The following ATP6V1H variants were observed in gnomAD, a reference collection of about 807,000 sequenced individuals.
ATP6V1H encodes ATPase H+ transporting V1 subunit H.
Under a neutral mutation model 71.7 loss-of-function variants are expected in ATP6V1H, and 39 were observed. That is an observed-to-expected ratio of 0.54 (90% confidence interval 0.42 to 0.71). ATP6V1H has a LOEUF of 0.71. Among genes scored for constraint, ATP6V1H ranks in the 30% least tolerant of loss-of-function variants. ATP6V1H has a pLI of 0.00. For missense variants in ATP6V1H, 509 were observed against 594.9 expected (o/e 0.86, Z 1.50); for synonymous variants, 192 against 199.3 (o/e 0.96, Z 0.31).
At chr8:53,750,630 ATGT>A (rs1807758133) in intron 12 of ATP6V1H, among the ~76,000 whole-genome samples, 1 of 152,194 alleles carries the variant, frequency 6.6e-6, no homozygotes, top group Admixed American at 6.5e-5. Context: ...TTGTTATAAA[ATGT>A]TGTCAACCGA....
chr8:53,799,063 T>C (rs1809831608), intron 8 of ATP6V1H, among the ~76,000 whole-genome samples: 1 of 152,288 alleles, frequency 6.6e-6, no homozygotes, highest in East Asian at 1.9e-4. Context: ...ACTTTGATTC[T>C]TTCTTACAGG....
In ATP6V1H at chr8:53,732,935, G is replaced by A. The variant is rs531548587; in HGVS notation, c.1391+10642C>T. Among the ~76,000 whole-genome samples, 10 of 152,258 alleles carry A rather than the reference G, an allele frequency of 6.6e-5. No homozygotes were observed. The East Asian group carries it at 1.7e-3, about 27-fold the overall frequency. Reference sequence around the variant, plus strand: ...CAGGGAAGGAAGTCAAGATAGTCAAGCAGGCAGTCTCAAATCTGGCCGTGC... The same window carrying A: ...CAGGGAAGGAAGTCAAGATAGTCAAACAGGCAGTCTCAAATCTGGCCGTGC... On this transcript the variant is annotated intron_variant, in intron 13 of 13. Coordinates refer to ENST00000359530, the MANE Select transcript of ATP6V1H (RefSeq NM_015941.4).
intron 12 of ATP6V1H, among the ~76,000 whole-genome samples, chr8:53,748,689 T>C (rs1020745461): frequency 6.6e-6 from 1 of 152,190 alleles, no homozygotes; most frequent in African/African-American, 2.4e-5. Flanking sequence ...AAATACATAC[T>C]ATATATGCAT....
chr8:53,759,147 T>TA (rs988139444), intron 11 of ATP6V1H, among the ~76,000 whole-genome samples: 1 of 152,228 alleles, frequency 6.6e-6, no homozygotes, highest in African/African-American at 2.4e-5. Flanking sequence ...AGCACAGCCT[T>TA]AGAGTCAGAT....
rs1808561571 is a variant in ATP6V1H at position 53,768,993 on chromosome 8, C to T, written c.1175+625G>A. Among the ~76,000 whole-genome samples, 3 of 152,018 alleles carry T rather than the reference C, an allele frequency of 2.0e-5. No homozygotes were observed. The South Asian group carries it at 6.2e-4, about 32-fold the overall frequency. On this transcript the variant is annotated intron_variant, in intron 11 of 13. Coordinates refer to ENST00000359530, the MANE Select transcript of ATP6V1H (RefSeq NM_015941.4). ...GTCATCTTATTATGACAAAGGTAAA[C>T]CTGGAGGGCACTGGTGGAAGTGTTT...
At chr8:53,779,690 CCTTTT>C (rs1359856635) in intron 9 of ATP6V1H, among the ~76,000 whole-genome samples, 1 of 151,972 alleles carries the variant, frequency 6.6e-6, no homozygotes, top group Non-Finnish European at 1.5e-5. Context: ...CTCTTCCTTT[CCTTTT>C]GTGAGATTTC....
intron 13 of ATP6V1H, among the ~76,000 whole-genome samples, chr8:53,727,945 T>A (rs1357743996): frequency 6.6e-6 from 1 of 152,164 alleles, no homozygotes; most frequent in Non-Finnish European, 1.5e-5. Flanking sequence ...AATCATTAAG[T>A]CCTGTCACTT....
intron 3 of ATP6V1H, among the ~76,000 whole-genome samples, chr8:53,829,758 T>C (rs1810945992): frequency 6.6e-6 from 1 of 152,248 alleles, no homozygotes; most frequent in Admixed American, 6.5e-5. Context: ...AGTTTCAGAA[T>C]GTTTACTATT....
At chr8:53,795,873 C>CAA (rs762703553) in intron 8 of ATP6V1H, 34 bp from the exon 9 acceptor site, 20 of 1,559,326 alleles carry the variant, frequency 1.3e-5, no homozygotes, top group South Asian at 3.5e-5. Context: ...AACACATTTA[C>CAA]AAAACATTTA....
intron 13 of ATP6V1H, among the ~76,000 whole-genome samples, chr8:53,733,392 C>A (rs1341886735): frequency 6.6e-6 from 1 of 152,172 alleles, no homozygotes; most frequent in Non-Finnish European, 1.5e-5. Flanking sequence ...TCAAGACCTG[C>A]AAAAGTTTCC....
chr8:53,819,098 C>T (rs1486422208), intron 4 of ATP6V1H, among the ~76,000 whole-genome samples: 1 of 151,638 alleles, frequency 6.6e-6, no homozygotes, highest in Non-Finnish European at 1.5e-5. Context: ...CCCAGCTACT[C>T]AAGAGACGGA....
At chr8:53,816,875 C>T (rs917624815) in intron 5 of ATP6V1H, among the ~76,000 whole-genome samples, 4 of 152,050 alleles carry the variant, frequency 2.6e-5, no homozygotes, top group African/African-American at 9.7e-5. Context: ...ACAGTAGCTG[C>T]TTCAAAGTAA....
chr8:53,748,491 T>C (rs1172739140), intron 12 of ATP6V1H, among the ~76,000 whole-genome samples: 4 of 152,218 alleles, frequency 2.6e-5, no homozygotes, highest in African/African-American at 7.2e-5. Flanking sequence ...AATTCTGTTT[T>C]CTTAATAATG....
At chr8:53,783,232 T>G (rs1454665385) in intron 9 of ATP6V1H, among the ~76,000 whole-genome samples, 1 of 152,170 alleles carries the variant, frequency 6.6e-6, no homozygotes, top group Admixed American at 6.5e-5. Context: ...CTGTTATTGG[T>G]CTATTCAGAG....
Position 53,715,699 on chromosome 8 carries a change from T to C in ATP6V1H, c.*265A>G. ...GAGTGAGAATCCTTTAATAACTATA[T>C]TTATTTCCAGAGAACAATAAATACA... On this transcript the variant is annotated 3_prime_UTR_variant, in exon 14 of 14. Coordinates refer to ENST00000359530, the MANE Select transcript of ATP6V1H (RefSeq NM_015941.4). The C allele has an allele frequency of 2.9e-6, 1 of 343,380 alleles. No homozygotes were observed. The allele number at this position is 343,380 out of a possible 1,614,324, so 21.3% of individuals were successfully genotyped here.
At chr8:53,743,061 TA>T (rs1380931450) in intron 13 of ATP6V1H, among the ~76,000 whole-genome samples, 3 of 152,244 alleles carry the variant, frequency 2.0e-5, no homozygotes, top group Admixed American at 6.5e-5. Flanking sequence ...AAAAAGTCAC[TA>T]ATTTTTATTT....
At chr8:53,829,952 T>C (rs1324571042) in intron 3 of ATP6V1H, among the ~76,000 whole-genome samples, 1 of 152,216 alleles carries the variant, frequency 6.6e-6, no homozygotes, top group South Asian at 2.1e-4. Flanking sequence ...GTCTCCATTC[T>C]ACAGTGTATC....
intron 12 of ATP6V1H, among the ~76,000 whole-genome samples, chr8:53,756,098 T>C (rs1222377868): frequency 7.9e-6 from 1 of 126,520 alleles, no homozygotes; most frequent in African/African-American, 3.0e-5. Context: ...TGAGACACAA[T>C]CTTGCTCTGT....
intron 9 of ATP6V1H, among the ~76,000 whole-genome samples, chr8:53,782,353 G>A (rs898591106): frequency 3.9e-5 from 6 of 151,914 alleles, no homozygotes; most frequent in Non-Finnish European, 5.9e-5. Flanking sequence ...GTCTGTTACT[G>A]GTGTATAGGA....
Sources: gnomAD v4.1 joint callset for allele counts (sites outside exome capture counted in the v4.1 genomes callset) on GRCh38, gnomAD v4.1.1 for gene constraint, MANE v1.5 for transcripts, NCBI Gene and HGNC (gene_info 2026-07-23, HGNC 2026-07-21) for gene names.